The following TMEM65 variants were observed in gnomAD, a reference collection of about 807,000 sequenced individuals.
TMEM65 encodes the protein transmembrane protein 65.
TMEM65 carries 22 observed loss-of-function variants against 25.4 expected under a neutral mutation model. The ratio of observed to expected loss-of-function variants is 0.86; its 90% CI spans 0.62 to 1.23. The LOEUF is 1.23. Ranked by LOEUF, TMEM65 falls within the 50% of genes most tolerant of loss-of-function variation. The pLI is 0.00. For missense variants in TMEM65, 262 were observed against 308.2 expected (o/e 0.85, Z 1.12); for synonymous variants, 132 against 126.2 (o/e 1.05, Z -0.31).
rs533872602 is a variant in TMEM65 at position 124,318,589 on chromosome 8, T to C, written c.621+1497A>G. Among the ~76,000 whole-genome samples the C allele has an allele frequency of 4.0e-4, 61 of 152,102 alleles. No homozygotes were observed. The Middle Eastern group carries it at 0.017, about 42-fold the overall frequency. ...CAGGGTTTCACCATGCTGATCAGACTGGTCTCAAACTCCTGACCTCAGGTG... is the reference window on the plus strand; with the variant it reads ...CAGGGTTTCACCATGCTGATCAGACCGGTCTCAAACTCCTGACCTCAGGTG... On this transcript the variant is annotated intron_variant, in intron 6 of 6. Coordinates refer to ENST00000297632, the MANE Select transcript of TMEM65 (RefSeq NM_194291.3).
At chr8:124,336,167 A>G (rs1563593545) in intron 1 of TMEM65, among the ~76,000 whole-genome samples, 1 of 152,082 alleles carries the variant, frequency 6.6e-6, no homozygotes, top group Admixed American at 6.5e-5. Context: ...ATCAGGAGGC[A>G]TAACAACTGC....
At chr8:124,358,699 T>C (rs1814816915) in intron 1 of TMEM65, among the ~76,000 whole-genome samples, 2 of 152,174 alleles carry the variant, frequency 1.3e-5, no homozygotes, top group Admixed American at 1.3e-4. Flanking sequence ...GCCCAACTCT[T>C]AAATCATTCT....
rs1004265922 is a variant in TMEM65, at chr8:124,312,381, T to C, written c.*1579A>G. The C allele has an allele frequency of 9.9e-5, 15 of 152,136 alleles. No homozygotes were observed. Among genetic ancestry groups the C allele is most frequent in the African/African-American group, 3.6e-4 (15 of 41,562 alleles). 9.4% of individuals were successfully genotyped at this position (152,136 alleles called of 1,614,324 possible). On this transcript the variant is annotated 3_prime_UTR_variant, in exon 7 of 7. Coordinates refer to ENST00000297632, the MANE Select transcript of TMEM65 (RefSeq NM_194291.3). ...GTCTATGATTAAAGGATGGCACTTA[T>C]GCATTCTGAAGCGCATGAGAGAATT...
intron 1 of TMEM65, among the ~76,000 whole-genome samples, chr8:124,333,468 T>TGCGCGTGTGTGTGTGTGC (rs555941915): frequency 3.5e-5 from 3 of 85,714 alleles, no homozygotes; most frequent in African/African-American, 1.6e-4. Context: ...TGTGTGTGTG[T>TGCGCGTGTGTGTGTGTGC]GCGTGTGTGT....
At position 124,372,034 on chromosome 8, in the gene TMEM65, C is replaced by A. The variant is rs1815023980; in HGVS notation, c.124G>T (p.Ala42Ser). 1 of 1,248,780 alleles carries A rather than the reference C, an allele frequency of 8.0e-7. No individual in the cohort carries two copies. The highest frequency in any genetic ancestry group is 1.0e-6 in the Non-Finnish European group (1 of 995,750). 77.4% of individuals were successfully genotyped at this position (1,248,780 alleles called of 1,614,324 possible). Residue 42 changes from alanine (A) to serine (S), a missense_variant, in exon 1 of 7, where the codon GCG becomes TCG. Physicochemically the swap from Ala to Ser is moderately conservative, Grantham distance 99. Transcript: ENST00000297632. ...CCCGRGLLAL[A>S]PPGGLPGGPR... ...CCGCCCGGCAAGCCGCCGGGGGGCG[C>A]GAGCGCCAGCAGCCCCCGCCCGCAG...
At chr8:124,321,958 A>C (rs1391652068) in intron 5 of TMEM65, 147 bp downstream of exon 5, 2 of 651,928 alleles carry the variant, frequency 3.1e-6, no homozygotes, top group Non-Finnish European at 5.3e-6. Context: ...TAGTACTATT[A>C]GTTTAGAAAA....
chr8:124,349,309 A>T (rs967992177), intron 1 of TMEM65, among the ~76,000 whole-genome samples: 6 of 151,506 alleles, frequency 4.0e-5, no homozygotes, highest in African/African-American at 7.3e-5. Flanking sequence ...TTTTCCCCTC[A>T]TAAAATGTAA....
At chr8:124,356,874 A>AT (rs1814789078) in intron 1 of TMEM65, among the ~76,000 whole-genome samples, 2 of 151,760 alleles carry the variant, frequency 1.3e-5, no homozygotes, top group African/African-American at 4.8e-5. Flanking sequence ...CACCCAGCTA[A>AT]TTTTTGTATT....
At chr8:124,314,875 A>G (rs1280990178) in intron 6 of TMEM65, among the ~76,000 whole-genome samples, 2 of 151,192 alleles carry the variant, frequency 1.3e-5, no homozygotes, top group African/African-American at 4.9e-5. Context: ...GGGTCTCCCT[A>G]TGTTGCCCAG....
intron 1 of TMEM65, among the ~76,000 whole-genome samples, chr8:124,359,196 G>T (rs1814827838): frequency 6.6e-6 from 1 of 152,134 alleles, no homozygotes; most frequent in African/African-American, 2.4e-5. Context: ...TGTTTAAATT[G>T]ATCAAGGTGA....
At chr8:124,365,859 T>G (rs1390545637) in intron 1 of TMEM65, among the ~76,000 whole-genome samples, 1 of 152,228 alleles carries the variant, frequency 6.6e-6, no homozygotes, top group African/African-American at 2.4e-5. Flanking sequence ...TTGGACTTTG[T>G]ACTTTGACAA....
At chr8:124,331,578 T>A (rs1436339951) in intron 1 of TMEM65, among the ~76,000 whole-genome samples, 2 of 151,634 alleles carry the variant, frequency 1.3e-5, no homozygotes, top group Non-Finnish European at 3.0e-5. Context: ...GTCAACATTA[T>A]ACCTAAAAAT....
intron 1 of TMEM65, among the ~76,000 whole-genome samples, chr8:124,367,799 G>A (rs1007552053): frequency 6.6e-6 from 1 of 152,086 alleles, no homozygotes; most frequent in Non-Finnish European, 1.5e-5. Flanking sequence ...GTATACAGAC[G>A]TAGATAAATG....
rs544887378 is a variant in TMEM65 at position 124,347,094 on chromosome 8, A to G, written c.305-16302T>C. 3.3e-5 allele frequency among the ~76,000 whole-genome samples: 5 copies of G among 152,302 alleles called. No individual in the cohort carries two copies. In the South Asian group the frequency reaches 8.3e-4, roughly 25 times the overall value. On this transcript the variant is annotated intron_variant, in intron 1 of 6. Coordinates refer to ENST00000297632, the MANE Select transcript of TMEM65 (RefSeq NM_194291.3). ...TTTTTTTAAAAAGAAACAAATTAAT[A>G]TGGCCAAGTTATATACTTACAAAAC...
chr8:124,364,291 T>C (rs1814910788), intron 1 of TMEM65, among the ~76,000 whole-genome samples: 1 of 152,120 alleles, frequency 6.6e-6, no homozygotes, highest in African/African-American at 2.4e-5. Context: ...CAGACCTCCT[T>C]ACACAGCAGA....
At chr8:124,321,984 T>C in intron 5 of TMEM65, 121 bp downstream of exon 5, 1 of 824,578 alleles carries the variant, frequency 1.2e-6, no homozygotes, top group South Asian at 1.9e-5. Flanking sequence ...ATTTGAAATT[T>C]TAATTCTAGA....
chr8:124,368,660 G>C lies in TMEM65; in HGVS notation c.304+3194C>G, dbSNP rs75390858. On this transcript the variant is annotated intron_variant, in intron 1 of 6. Transcript: ENST00000297632. ...AGAATACTCAGGCAGCCCTGTGGAG[G>C]ACCACATGGGAGGGAATTGAGACAT... Among the ~76,000 whole-genome samples, 988 of 152,346 alleles carry C rather than the reference G, an allele frequency of 6.5e-3. 7 individuals carry two copies. Among genetic ancestry groups the C allele is most frequent in the Middle Eastern group, 0.024 (7 of 294 alleles).
At position 124,307,066 on chromosome 8, in the gene TMEM65, T is replaced by G. The variant is rs2131186468; in HGVS notation, c.*6894A>C. ...GTACTAAATTACAACTGGATAAGAT[T>G]AACTATAGTACATACTGCACTACTA... On this transcript the variant is annotated 3_prime_UTR_variant, in exon 7 of 7. Transcript: ENST00000297632. 1 of 152,358 alleles carries G rather than the reference T, an allele frequency of 6.6e-6. No individual in the cohort carries two copies. Among genetic ancestry groups the G allele is most frequent in the Non-Finnish European group, 1.5e-5 (1 of 68,048 alleles). The allele number at this position is 152,358 out of a possible 1,614,324, so 9.4% of individuals were successfully genotyped here.
intron 5 of TMEM65, among the ~76,000 whole-genome samples, chr8:124,321,830 A>G (rs946622100): frequency 1.3e-5 from 2 of 152,162 alleles, no homozygotes; most frequent in Non-Finnish European, 2.9e-5. Context: ...TTTTGCATAC[A>G]TCAGAACCAC....
Sources: allele counts gnomAD v4.1 joint callset (sites outside exome capture counted in the v4.1 genomes callset), GRCh38; gene constraint gnomAD v4.1.1; transcripts MANE v1.5; gene names NCBI Gene and HGNC (gene_info 2026-07-23, HGNC 2026-07-21).